CNTNAP2: variants seen among roughly 807,000 people sequenced by gnomAD.
CNTNAP2 encodes the protein contactin associated protein 2.
A neutral mutation model predicts 155.2 loss-of-function variants in CNTNAP2; 98 were observed. The observed-to-expected ratio is 0.63, with a 90% CI of 0.54 to 0.75. The LOEUF is 0.75. Among genes scored for constraint, CNTNAP2 ranks in the 30% least tolerant of loss-of-function variants. CNTNAP2 has a pLI of 0.00. For missense variants in CNTNAP2, 1,727 were observed against 1,688.1 expected, an observed-to-expected ratio of 1.02 and a Z score of -0.40; for synonymous variants, 651 against 631.2, an observed-to-expected ratio of 1.03 and a Z score of -0.47.
intron 1 of CNTNAP2, among the ~76,000 whole-genome samples, chr7:146,480,605 A>G (rs1192041393): frequency 1.1e-4 from 17 of 148,502 alleles, no homozygotes; most frequent in Admixed American, 1.1e-3. Context: ...CACAAATACT[A>G]TTGGTTTCAC....
At chr7:146,469,746 T>C (rs1404074317) in intron 1 of CNTNAP2, among the ~76,000 whole-genome samples, 1 of 150,450 alleles carries the variant, frequency 6.6e-6, no homozygotes, top group East Asian at 2.0e-4. Context: ...TAGGCTGGTC[T>C]TGAACTCCTG....
chr7:146,231,863 T>G (rs1471628027), intron 1 of CNTNAP2, among the ~76,000 whole-genome samples: 2 of 152,184 alleles, frequency 1.3e-5, no homozygotes, highest in Admixed American at 6.5e-5. Flanking sequence ...TTTCTATACT[T>G]CTCTTGTCCA....
At chr7:146,970,826 G>A (rs1486491687) in intron 3 of CNTNAP2, among the ~76,000 whole-genome samples, 1 of 152,064 alleles carries the variant, frequency 6.6e-6, no homozygotes, top group African/African-American at 2.4e-5. Flanking sequence ...GTCCAACAAT[G>A]ATAGACTGGA....
chr7:147,182,838 A>G (rs1336853961), intron 8 of CNTNAP2, among the ~76,000 whole-genome samples: 2 of 152,182 alleles, frequency 1.3e-5, no homozygotes, highest in South Asian at 4.1e-4. Flanking sequence ...TGAAGACAGC[A>G]TGTATTCAGT....
At chr7:148,063,439 C>T (rs1563186270) in intron 15 of CNTNAP2, among the ~76,000 whole-genome samples, 1 of 151,758 alleles carries the variant, frequency 6.6e-6, no homozygotes, top group African/African-American at 2.4e-5. Context: ...GTGCTCTTTC[C>T]TTTTTTCTTT....
At chr7:147,119,024 T>C (rs994272347) in intron 5 of CNTNAP2, among the ~76,000 whole-genome samples, 1 of 151,930 alleles carries the variant, frequency 6.6e-6, no homozygotes, top group African/African-American at 2.4e-5. Context: ...CAAGACCCAA[T>C]AGAGGAAAAG....
intron 13 of CNTNAP2, among the ~76,000 whole-genome samples, chr7:147,809,261 T>C (rs80109112): frequency 0.011 from 1,675 of 152,312 alleles, 38 homozygotes; most frequent in African/African-American, 0.038. Flanking sequence ...ACTAATGCCA[T>C]CTTGAATCTT....
chr7:147,341,418 C>T (rs1487022093), intron 9 of CNTNAP2, among the ~76,000 whole-genome samples: 2 of 140,714 alleles, frequency 1.4e-5, no homozygotes, highest in Non-Finnish European at 3.0e-5. Context: ...ACACATGTAT[C>T]CCAGAAATTA....
chr7:147,641,384 G>A (rs73164396), intron 13 of CNTNAP2, among the ~76,000 whole-genome samples: 11,407 of 152,216 alleles, frequency 0.075, 447 homozygotes, highest in African/African-American at 0.086. Context: ...ATGCTGTGCT[G>A]TGGAGTTGGG....
Position 146,413,501 on chromosome 7 carries a change from C to T in CNTNAP2, c.97+296528C>T, listed in dbSNP as rs140152115. 7.2e-3 allele frequency among the ~76,000 whole-genome samples: 1,096 copies of T among 152,292 alleles called. 13 individuals are homozygous for T. The highest frequency in any genetic ancestry group is 0.021 in the African/African-American group (892 of 41,580). ...CAGACAAAGAACAATATAAACAAAGCTCGAGATCATCTGGGCAGGTTGAAA... is the reference window on the plus strand; with the variant it reads ...CAGACAAAGAACAATATAAACAAAGTTCGAGATCATCTGGGCAGGTTGAAA... On this transcript the variant is annotated intron_variant, in intron 1 of 23. Coordinates refer to ENST00000361727, the MANE Select transcript of CNTNAP2 (RefSeq NM_014141.6).
At chr7:147,899,090 AG>A (rs35406619) in intron 13 of CNTNAP2, among the ~76,000 whole-genome samples, 46,028 of 152,158 alleles carry the variant, frequency 0.3, 7,115 homozygotes, top group Middle Eastern at 0.43. Flanking sequence ...CTTTCATCCC[AG>A]CACTTTGAGA....
intron 16 of CNTNAP2, among the ~76,000 whole-genome samples, chr7:148,128,015 G>T (rs1804750968): frequency 6.6e-6 from 1 of 152,000 alleles, no homozygotes; most frequent in African/African-American, 2.4e-5. Context: ...TACCACAGGT[G>T]CACGCCACCA....
chr7:146,640,023 G>T (rs1799678491), intron 1 of CNTNAP2, among the ~76,000 whole-genome samples: 1 of 152,164 alleles, frequency 6.6e-6, no homozygotes, highest in South Asian at 2.1e-4. Context: ...AAGTCTTCCT[G>T]GTCCTCCTTA....
chr7:147,663,092 G>A (rs767362114), intron 13 of CNTNAP2, among the ~76,000 whole-genome samples: 10 of 152,174 alleles, frequency 6.6e-5, no homozygotes, highest in African/African-American at 1.9e-4. Flanking sequence ...TCCACTTCCC[G>A]GGTTCAAGTG....
intron 21 of CNTNAP2, among the ~76,000 whole-genome samples, chr7:148,381,877 C>T (rs539344211): frequency 6.6e-6 from 1 of 152,176 alleles, no homozygotes; most frequent in Admixed American, 6.5e-5. Context: ...TTGGCCCCCC[C>T]CCAGGGGAAT....
At chr7:148,380,165 C>A (rs976693219) in intron 21 of CNTNAP2, among the ~76,000 whole-genome samples, 1 of 140,906 alleles carries the variant, frequency 7.1e-6, no homozygotes, top group African/African-American at 2.8e-5. Flanking sequence ...AAGTTTCCCC[C>A]ACAAATAACA....
chr7:146,226,392 C>T (rs1453492266), intron 1 of CNTNAP2, among the ~76,000 whole-genome samples: 1 of 152,142 alleles, frequency 6.6e-6, no homozygotes, highest in Non-Finnish European at 1.5e-5. Context: ...GGCATGGTGG[C>T]TTACACCTCT....
At chr7:146,535,823 A>C (rs1427597696) in intron 1 of CNTNAP2, among the ~76,000 whole-genome samples, 2 of 152,030 alleles carry the variant, frequency 1.3e-5, no homozygotes, top group East Asian at 1.9e-4. Context: ...ATGTCCAAAA[A>C]GTATGTGTTA....
chr7:147,870,761 A>G (rs1799313584), intron 13 of CNTNAP2, among the ~76,000 whole-genome samples: 2 of 152,282 alleles, frequency 1.3e-5, no homozygotes, highest in South Asian at 2.1e-4. Flanking sequence ...AACAGGTGGA[A>G]GTCACCTAGG....
Sources: allele counts gnomAD v4.1 joint callset (sites outside exome capture counted in the v4.1 genomes callset), GRCh38; gene constraint gnomAD v4.1.1; transcripts MANE v1.5; gene names NCBI Gene and HGNC (gene_info 2026-07-23, HGNC 2026-07-21).